Variants in ERICH1 observed in about 807,000 individuals in gnomAD.
The protein encoded by ERICH1 is glutamate rich 1.
A neutral mutation model predicts 39.6 loss-of-function variants in ERICH1; 56 were observed. The ratio of observed to expected loss-of-function variants is 1.41; its 90% CI spans 1.14 to 1.77. The LOEUF (loss-of-function observed/expected upper bound fraction) is 1.77. Among genes scored for constraint, ERICH1 ranks in the 40% most tolerant of loss-of-function variants. The pLI is 0.00. For synonymous variants in ERICH1, 313 were observed against 223.6 expected (o/e 1.40, Z -3.57); for missense variants, 826 against 575.4 (o/e 1.44, Z -4.45).
intron 3 of ERICH1, among the ~76,000 whole-genome samples, chr8:678,355 T>C (rs1283508145): frequency 6.6e-6 from 1 of 152,136 alleles, no homozygotes; most frequent in African/African-American, 2.4e-5. Flanking sequence ...GAAAGGATAC[T>C]GCACACAACG....
In ERICH1 at chr8:706,775, A is replaced by G. The variant is rs532955719; in HGVS notation, c.169+9086T>C. 5.9e-5 allele frequency among the ~76,000 whole-genome samples: 9 copies of G among 152,298 alleles called. No homozygotes were observed. In the South Asian group the frequency reaches 1.9e-3, roughly 32 times the overall value. On this transcript the variant is annotated intron_variant, in intron 2 of 5. Coordinates refer to ENST00000262109, the MANE Select transcript of ERICH1 (RefSeq NM_207332.3). Reference sequence around the variant, plus strand: ...ACAAGAGTGAAACTCCATCTCAAAAACAACAACAACAACAAAAAGATAAAA... The same window carrying G: ...ACAAGAGTGAAACTCCATCTCAAAAGCAACAACAACAACAAAAAGATAAAA...
chr8:641,814 C>A (rs751967573), intron 3 of ERICH1, among the ~76,000 whole-genome samples: 20 of 152,208 alleles, frequency 1.3e-4, no homozygotes, highest in Non-Finnish European at 2.1e-4. Context: ...CCTGCCCAGA[C>A]CTCATCAGAA....
intron 1 of ERICH1, among the ~76,000 whole-genome samples, chr8:721,660 T>G (rs1585683994): frequency 6.6e-6 from 1 of 152,238 alleles, no homozygotes; most frequent in African/African-American, 2.4e-5. Context: ...CACGGACTGC[T>G]GGTGGTTTCC....
At chr8:701,392 T>A (rs1002945352) in intron 2 of ERICH1, among the ~76,000 whole-genome samples, 3 of 152,070 alleles carry the variant, frequency 2.0e-5, no homozygotes, top group African/African-American at 7.2e-5. Flanking sequence ...CCTACGGGTC[T>A]GCCCCGCCGG....
intron 3 of ERICH1, among the ~76,000 whole-genome samples, chr8:629,720 G>A (rs184423303): frequency 0.011 from 1,467 of 128,448 alleles, 56 homozygotes; most frequent in African/African-American, 0.046. Flanking sequence ...AGACAGAGCT[G>A]ACTCACACCC....
Position 668,754 on chromosome 8 carries a change from C to T in ERICH1, c.1102G>A (p.Ala368Thr). The change falls in exon 5 of 6, where the codon GCC becomes ACC. Residue 368 changes from alanine (A) to threonine (T), a missense_variant. Coordinates refer to ENST00000262109, the MANE Select transcript of ERICH1 (RefSeq NM_207332.3). ...RDAASAALAD[A>T]AEELLDRLAS... The stretch of plus-strand genomic sequence containing the variant: ...AGGCGGTCCAGCAGCTCCTCAGCGG[C>T]ATCTGCGAGGGCAGCTGAAGCTGCA... The T allele has an allele frequency of 1.2e-6, 2 of 1,612,696 alleles. No homozygotes were observed. Among genetic ancestry groups the T allele is most frequent in the Non-Finnish European group, 1.7e-6 (2 of 1,179,114 alleles).
chr8:620,303 C>A (rs1030226707), intron 3 of ERICH1, among the ~76,000 whole-genome samples: 1 of 152,084 alleles, frequency 6.6e-6, no homozygotes, highest in African/African-American at 2.4e-5. Context: ...CAGAGTGAGA[C>A]TCTGTCTCAA....
In ERICH1 at chr8:646,366, TA is replaced by T. The variant is rs112761368; in HGVS notation, c.976+22231del. On this transcript the variant is annotated intron_variant, in intron 3 of 3. Coordinates refer to the ERICH1 transcript ENST00000522706. ...GTATTCAGGGTGATTCTCCATAGAT[TA>T]AAAAAAAAAAGATCCTATCAAGAGT... 1.4e-3 allele frequency among the ~76,000 whole-genome samples: 84 copies of T among 61,300 alleles called. 8 individuals carry two copies. Among genetic ancestry groups the T allele is most frequent in the Admixed American group, 1.4e-3 (10 of 7,020 alleles). 40.2% of individuals were successfully genotyped at this position (61,300 alleles called of 152,430 possible).
chr8:694,737 T>C (rs1475374971), intron 2 of ERICH1, among the ~76,000 whole-genome samples: 1 of 152,186 alleles, frequency 6.6e-6, no homozygotes, highest in African/African-American at 2.4e-5. Flanking sequence ...TATATTCTTT[T>C]GGGTAATGTA....
At position 664,222 on chromosome 8, in the gene ERICH1, T is replaced by C. The variant is rs923460758; in HGVS notation, c.*381A>G. On this transcript the variant is annotated 3_prime_UTR_variant, in exon 6 of 6. Transcript: ENST00000262109. Reference sequence around the variant, plus strand: ...AACTACTTAAACTAGAACATTTTAATACCCAGAAAGCATTCTTAAAGCAGA... The same window carrying C: ...AACTACTTAAACTAGAACATTTTAACACCCAGAAAGCATTCTTAAAGCAGA... 30 of 991,534 alleles carry C rather than the reference T, an allele frequency of 3.0e-5. No homozygotes were observed. Among genetic ancestry groups the C allele is most frequent in the Non-Finnish European group, 3.5e-5 (29 of 833,988 alleles). 61.4% of individuals were successfully genotyped at this position (991,534 alleles called of 1,614,324 possible). A position where few individuals can be genotyped will look rare whatever the true frequency, so the allele number is the denominator to read the frequency against.
intron 3 of ERICH1, among the ~76,000 whole-genome samples, chr8:619,214 G>A (rs536192175): frequency 6.6e-6 from 1 of 152,126 alleles, no homozygotes; most frequent in Non-Finnish European, 1.5e-5. Flanking sequence ...AATGTTGAAA[G>A]CCAAATAAAG....
At chr8:668,573 C>A (rs772210714) in intron 5 of ERICH1, 25 bp downstream of exon 5, 1 of 1,613,894 alleles carries the variant, frequency 6.2e-7, no homozygotes, top group South Asian at 1.1e-5. Context: ...TAAGCAGGAC[C>A]TTGAATAAAT....
intron 3 of ERICH1, 97 bp downstream of exon 3, chr8:692,381 A>G: frequency 6.5e-7 from 1 of 1,539,672 alleles, no homozygotes; most frequent in Non-Finnish European, 8.8e-7. Context: ...CCACCCCCCA[A>G]GTATGAATTT....
At chr8:725,348 T>C (rs1292972845) in intron 1 of ERICH1, 2 of 153,816 alleles carry the variant, frequency 1.3e-5, no homozygotes, top group Non-Finnish European at 2.9e-5. Context: ...TTGCATGTGA[T>C]CGGTCACCTG....
rs1399323139 is a variant in ERICH1 at position 646,170 on chromosome 8, C to T, written c.976+22428G>A. On this transcript the variant is annotated intron_variant, in intron 3 of 3. Coordinates refer to the ERICH1 transcript ENST00000522706. The stretch of plus-strand genomic sequence containing the variant: ...TTGCTCCTCAGCAGGGTCTTAATGA[C>T]GTCTCCATGAACTAAATATTATGAG... Among the ~76,000 whole-genome samples the T allele has an allele frequency of 8.7e-5, 6 of 68,984 alleles. 3 individuals are homozygous for T. The highest frequency in any genetic ancestry group is 1.5e-4 in the African/African-American group (4 of 27,366). 45.3% of individuals were successfully genotyped at this position (68,984 alleles called of 152,430 possible).
intron 3 of ERICH1, among the ~76,000 whole-genome samples, chr8:629,356 A>C (rs1321436641): frequency 6.8e-6 from 1 of 146,258 alleles, no homozygotes; most frequent in African/African-American, 2.7e-5. Context: ...GTGACCACCC[A>C]CACACACAGA....
intron 3 of ERICH1, among the ~76,000 whole-genome samples, chr8:632,439 C>A (rs1422931483): frequency 6.6e-6 from 1 of 151,922 alleles, no homozygotes; most frequent in South Asian, 2.1e-4. Context: ...TTCTTAAAGC[C>A]CATGTTTTAA....
At chr8:671,270 A>AATGT (rs1803296755) in intron 4 of ERICH1, among the ~76,000 whole-genome samples, 1 of 57,902 alleles carries the variant, frequency 1.7e-5, no homozygotes, top group Non-Finnish European at 3.5e-5. Context: ...TGCTCCGACC[A>AATGT]CTGAGCGCGC....
At chr8:712,376 A>G (rs1313280952) in intron 2 of ERICH1, among the ~76,000 whole-genome samples, 1 of 152,174 alleles carries the variant, frequency 6.6e-6, no homozygotes, top group African/African-American at 2.4e-5. Context: ...TTAGATCTAC[A>G]CTAAAATATT....
Sources: gnomAD v4.1 joint callset for allele counts (sites outside exome capture counted in the v4.1 genomes callset) on GRCh38, gnomAD v4.1.1 for gene constraint, MANE v1.5 for transcripts, NCBI Gene and HGNC (gene_info 2026-07-23, HGNC 2026-07-21) for gene names.